The following FRYL variants were observed in gnomAD, a reference collection of about 807,000 sequenced individuals.
FRYL encodes FRY like transcription coactivator.
Under a neutral mutation model 351.2 loss-of-function variants are expected in FRYL, and 150 were observed. The ratio of observed to expected loss-of-function variants is 0.43; its 90% CI spans 0.37 to 0.49. The LOEUF is 0.49. Among genes scored for constraint, FRYL ranks in the 20% least tolerant of loss-of-function variants. The pLI is 0.00. For synonymous variants in FRYL, 1,153 were observed against 1,257.1 expected (o/e 0.92, Z 1.75); for missense variants, 3,036 against 3,619.3 (o/e 0.84, Z 4.13).
chr4:48,656,378 A>ATAAAT (rs1759100385), intron 3 of FRYL, among the ~76,000 whole-genome samples: 1 of 117,158 alleles, frequency 8.5e-6, no homozygotes, highest in Non-Finnish European at 1.8e-5. Context: ...TATATACTAA[A>ATAAAT]TATATAATAT....
At chr4:48,638,898 C>G (rs991644064) in intron 3 of FRYL, among the ~76,000 whole-genome samples, 3 of 151,824 alleles carry the variant, frequency 2.0e-5, no homozygotes, top group South Asian at 2.1e-4. Context: ...TAAGTGGGAG[C>G]TGAATAATGA....
chr4:48,772,300 C>CATGT lies in FRYL; in HGVS notation c.-384+7777_-384+7778insACAT, dbSNP rs1034765622. Among the ~76,000 whole-genome samples, 14 of 152,078 alleles carry CATGT rather than the reference C, an allele frequency of 9.2e-5. 1 individual carries two copies. The highest frequency in any genetic ancestry group is 2.6e-4 in the Admixed American group (4 of 15,270). ...TTTTGATAGTAATTCACTTGATAGTCACATGAGACCTGCCGGTAAAGGCCA... is the reference window on the plus strand; with the variant it reads ...TTTTGATAGTAATTCACTTGATAGTCATGTACATGAGACCTGCCGGTAAAGGCCA... On this transcript the variant is annotated intron_variant, in intron 1 of 63. Transcript: ENST00000358350.
Position 48,528,025 on chromosome 4 carries a change from T to G in FRYL, c.7086A>C (p.Leu2362=). ...GACCACAGAGAGAAAGCACATTCAT[T>G]AGCTTTTCTCTTGTTCTTCGCTAAA... ...QLSQRRTREK[L]MNVLSLCGPE... The change falls in exon 52 of 64, where the codon CTA becomes CTC. Residue 2362 remains leucine (L), a synonymous_variant. Transcript: ENST00000358350. 3 of 1,581,670 alleles carry G rather than the reference T, an allele frequency of 1.9e-6. No individual in the cohort carries two copies. The highest frequency in any genetic ancestry group is 2.6e-6 in the Non-Finnish European group (3 of 1,170,942).
chr4:48,779,462 G>A (rs1322795892), intron 1 of FRYL, among the ~76,000 whole-genome samples: 1 of 152,112 alleles, frequency 6.6e-6, no homozygotes, highest in South Asian at 2.1e-4. Context: ...TGGGCGGAGA[G>A]ACCAGAGCAA....
At chr4:48,635,848 A>G (rs1310806211) in intron 3 of FRYL, among the ~76,000 whole-genome samples, 1 of 152,180 alleles carries the variant, frequency 6.6e-6, no homozygotes, top group African/African-American at 2.4e-5. Flanking sequence ...GAAGCAGAAC[A>G]CAATTACTTA....
At chr4:48,573,585 T>C (rs919104342) in intron 25 of FRYL, among the ~76,000 whole-genome samples, 1 of 152,182 alleles carries the variant, frequency 6.6e-6, no homozygotes, top group African/African-American at 2.4e-5. Flanking sequence ...GTTTCGCTCT[T>C]GTTGCCCAGG....
chr4:48,501,822 C>T (rs1164611647), intron 61 of FRYL, 89 bp from the exon 62 acceptor site: 69 of 845,552 alleles, frequency 8.2e-5, no homozygotes, highest in South Asian at 6.1e-4. Context: ...ATTGTCTTGT[C>T]GTTTATTTTT....
At chr4:48,502,161 T>C (rs751164163) in intron 61 of FRYL, among the ~76,000 whole-genome samples, 4 of 152,178 alleles carry the variant, frequency 2.6e-5, no homozygotes, top group Non-Finnish European at 5.9e-5. Flanking sequence ...ACCTCTTACC[T>C]AAAAAGTAAG....
At chr4:48,707,706 G>GT (rs1366453910) in intron 2 of FRYL, among the ~76,000 whole-genome samples, 12 of 152,162 alleles carry the variant, frequency 7.9e-5, no homozygotes, top group Non-Finnish European at 5.9e-5. Flanking sequence ...AGTGATTGAA[G>GT]TGAGAAGTAA....
At chr4:48,684,552 T>A (rs1025518575) in intron 3 of FRYL, 121 bp downstream of exon 3, 3 of 152,232 alleles carry the variant, frequency 2.0e-5, no homozygotes, top group African/African-American at 7.2e-5. Context: ...TTTTAACTCC[T>A]GGTATAATAG....
intron 63 of FRYL, among the ~76,000 whole-genome samples, 175 bp from the exon 64 acceptor site, chr4:48,499,855 G>T (rs990160201): frequency 2.0e-5 from 3 of 152,142 alleles, no homozygotes; most frequent in Non-Finnish European, 4.4e-5. Context: ...AGTACCATCT[G>T]AAAGTGAAAA....
chr4:48,736,863 A>G (rs1284844257), intron 1 of FRYL, among the ~76,000 whole-genome samples: 1 of 150,624 alleles, frequency 6.6e-6, no homozygotes, highest in Non-Finnish European at 1.5e-5. Context: ...AAAAAAAAAA[A>G]AAAAAAAGAA....
intron 3 of FRYL, among the ~76,000 whole-genome samples, chr4:48,655,121 T>C (rs1354237264): frequency 6.6e-6 from 1 of 152,210 alleles, no homozygotes; most frequent in Admixed American, 6.5e-5. Context: ...ACAACTATCA[T>C]ACATTATGGG....
chr4:48,711,263 T>C (rs1047822806), intron 1 of FRYL, among the ~76,000 whole-genome samples: 12 of 152,362 alleles, frequency 7.9e-5, no homozygotes, highest in African/African-American at 2.9e-4. Flanking sequence ...GGATGAGGCA[T>C]TGCCTCACTC....
chr4:48,559,707 A>G (rs62311306), intron 33 of FRYL, among the ~76,000 whole-genome samples: 41,132 of 115,852 alleles, frequency 0.36, 8,975 homozygotes, highest in Admixed American at 0.48. Context: ...GGGGAGAGGG[A>G]GAGAGAGAGA....
At chr4:48,557,326 G>A in intron 34 of FRYL, 127 bp downstream of exon 34, 1 of 1,298,220 alleles carries the variant, frequency 7.7e-7, no homozygotes, top group Non-Finnish European at 1.1e-6. Context: ...CATATCTAAT[G>A]AGTCTTTTTT....
intron 2 of FRYL, among the ~76,000 whole-genome samples, chr4:48,701,525 A>T (rs940403265): frequency 1.3e-5 from 2 of 152,204 alleles, no homozygotes; most frequent in African/African-American, 4.8e-5. Context: ...ACCTGTAAGG[A>T]TTTTTAAAAA....
chr4:48,532,627 AGC>A (rs1417718440), intron 49 of FRYL, among the ~76,000 whole-genome samples: 1 of 152,210 alleles, frequency 6.6e-6, no homozygotes, highest in Non-Finnish European at 1.5e-5. Flanking sequence ...TCTGCACTTC[AGC>A]CTGGGCAACA....
At chr4:48,556,894 G>A in intron 35 of FRYL, 84 bp downstream of exon 35, 2 of 1,271,616 alleles carry the variant, frequency 1.6e-6, no homozygotes, top group Admixed American at 2.2e-5. Context: ...CCTCTCCTGG[G>A]CAACTGCTGC....
Sources: gnomAD v4.1 joint callset for allele counts (sites outside exome capture counted in the v4.1 genomes callset) on GRCh38, gnomAD v4.1.1 for gene constraint, MANE v1.5 for transcripts, NCBI Gene and HGNC (gene_info 2026-07-23, HGNC 2026-07-21) for gene names.